Variants in N4BP1 observed in about 807,000 individuals in gnomAD.
N4BP1 encodes NEDD4-binding protein 1.
A neutral mutation model predicts 70.9 loss-of-function variants in N4BP1; 21 were observed. The observed-to-expected ratio is 0.30, with a 90% CI of 0.21 to 0.43. The LOEUF is 0.43. N4BP1 is among the 20% of genes least tolerant of loss of function. The probability of loss-of-function intolerance (pLI) is 1.00; values close to 1 mark genes in which losing one functional copy is unlikely to be tolerated. For synonymous variants in N4BP1, 387 were observed against 394.6 expected (o/e 0.98, Z 0.23); for missense variants, 936 against 1,069.4 (o/e 0.88, Z 1.74).
chr16:48,606,869 T>G (rs1964590553), intron 1 of N4BP1, among the ~76,000 whole-genome samples: 1 of 152,226 alleles, frequency 6.6e-6, no homozygotes, highest in Non-Finnish European at 1.5e-5. Context: ...CTCTAAATCT[T>G]CCTTCCTCTA....
rs750527042 is a variant in N4BP1 at position 48,560,734 on chromosome 16, T to C, written c.1889+20A>G. On this transcript the variant is annotated intron_variant, in intron 2 of 6. Transcript: ENST00000262384. ...TAGAGCCCTATTTAAAATAAAATAATCTGCAGAGAATGGACTTACGTAATT... is the reference window on the plus strand; with the variant it reads ...TAGAGCCCTATTTAAAATAAAATAACCTGCAGAGAATGGACTTACGTAATT... The C allele has an allele frequency of 4.5e-6, 7 of 1,568,478 alleles. No individual in the cohort carries two copies. The Admixed American group carries it at 1.4e-4, about 31-fold the overall frequency.
intron 1 of N4BP1, among the ~76,000 whole-genome samples, chr16:48,594,331 G>A (rs1964380281): frequency 6.6e-6 from 1 of 152,132 alleles, no homozygotes; most frequent in Admixed American, 6.5e-5. Context: ...GACTTATGGT[G>A]ACCTGGGATT....
intron 1 of N4BP1, among the ~76,000 whole-genome samples, chr16:48,568,485 G>C (rs1963972412): frequency 6.6e-6 from 1 of 152,200 alleles, no homozygotes; most frequent in South Asian, 2.1e-4. Context: ...ATTTATATCT[G>C]AAGAACTTTC....
At chr16:48,548,858 A>T (rs62059429) in intron 4 of N4BP1, among the ~76,000 whole-genome samples, 3 of 151,358 alleles carry the variant, frequency 2.0e-5, no homozygotes, top group African/African-American at 4.9e-5. Context: ...AAAAAAAAAA[A>T]TTCATAGGTT....
intron 1 of N4BP1, among the ~76,000 whole-genome samples, chr16:48,580,756 GA>G (rs575807951): frequency 1.3e-5 from 2 of 151,924 alleles, no homozygotes; most frequent in East Asian, 3.9e-4. Context: ...AAAATACTCA[GA>G]AAAAAAATTA....
chr16:48,548,683 C>CA (rs796581728), intron 4 of N4BP1, among the ~76,000 whole-genome samples: 5 of 151,530 alleles, frequency 3.3e-5, no homozygotes, highest in Admixed American at 6.6e-5. Context: ...CCCGTCTCTA[C>CA]AAAAAAATAC....
At position 48,561,633 on chromosome 16, in the gene N4BP1, T is replaced by A. The variant is rs1175832288; in HGVS notation, c.1010A>T (p.Asp337Val). 6 of 1,613,410 alleles carry A rather than the reference T, an allele frequency of 3.7e-6. No individual in the cohort carries two copies. The African/African-American group carries it at 8.0e-5, about 22-fold the overall frequency. The change falls in exon 2 of 7, where the codon GAT becomes GTT. Residue 337 changes from aspartate to valine, a missense_variant. Asp to Val is a radical substitution (Grantham distance 152, BLOSUM62 -3). This residue lies in a region of N4BP1 where 515 missense variants were observed against 491.7 expected (regional missense o/e 1.05). Coordinates refer to ENST00000262384, the MANE Select transcript of N4BP1 (RefSeq NM_153029.4). ...SSADSENLSP[D>V]IKETTEEMEY... ...CATTTCCTCAGTAGTTTCTTTTATA[T>A]CTGGACTTAAATTTTCAGAATCAGC...
rs1964478545 is a variant in N4BP1, at chr16:48,600,496, T to C, written c.198+9279A>G. 2.0e-5 allele frequency: 12 copies of C among 598,572 alleles called. No homozygotes were observed. In the Admixed American group the frequency reaches 2.0e-4, roughly 10 times the overall value. 37.1% of individuals were successfully genotyped at this position (598,572 alleles called of 1,614,324 possible). A position where few individuals can be genotyped will look rare whatever the true frequency, so the allele number is the denominator to read the frequency against. ...CAAGCTAAATTTATAATGAACAGAT[T>C]GAAGAAAAATAAGAGCTACAGAAAG... On this transcript the variant is annotated intron_variant, in intron 1 of 6. Coordinates refer to ENST00000262384, the MANE Select transcript of N4BP1 (RefSeq NM_153029.4).
intron 1 of N4BP1, among the ~76,000 whole-genome samples, chr16:48,605,582 C>G (rs1287566528): frequency 6.6e-6 from 1 of 152,170 alleles, no homozygotes; most frequent in African/African-American, 2.4e-5. Context: ...GGACAATGCC[C>G]TCTTATAAGG....
At chr16:48,591,667 T>C (rs1395734477) in intron 1 of N4BP1, among the ~76,000 whole-genome samples, 1 of 151,658 alleles carries the variant, frequency 6.6e-6, no homozygotes, top group African/African-American at 2.4e-5. Flanking sequence ...ATATTGGTTG[T>C]TTTTGTGAAA....
At chr16:48,552,099 G>A (rs1229067879) in intron 3 of N4BP1, among the ~76,000 whole-genome samples, 1 of 152,130 alleles carries the variant, frequency 6.6e-6, no homozygotes, top group East Asian at 1.9e-4. Flanking sequence ...GTAGGGGTGA[G>A]GCTAGGGCAG....
At chr16:48,579,947 A>G (rs2151095372) in intron 1 of N4BP1, among the ~76,000 whole-genome samples, 1 of 152,214 alleles carries the variant, frequency 6.6e-6, no homozygotes, top group South Asian at 2.1e-4. Context: ...ATATGTACAC[A>G]CTCAAATACA....
intron 6 of N4BP1, 142 bp from the exon 7 acceptor site, chr16:48,543,403 G>T: frequency 1.5e-6 from 1 of 651,348 alleles, no homozygotes; most frequent in Non-Finnish European, 2.4e-6. Flanking sequence ...AGACTGAGGT[G>T]GAGATGGTGC....
In N4BP1 at chr16:48,556,306, AG is replaced by A. The variant is rs1342556250; in HGVS notation, c.1890-2638del. 1.8e-4 allele frequency among the ~76,000 whole-genome samples: 28 copies of A among 152,342 alleles called. No individual in the cohort carries two copies. The East Asian group carries it at 5.2e-3, about 28-fold the overall frequency. Reference sequence around the variant, plus strand: ...CAAATTATTGTCCTCAAAATAATACAGAGGGTCGATTAAGGACCCTTCTTCC... The same window carrying A: ...CAAATTATTGTCCTCAAAATAATACAAGGGTCGATTAAGGACCCTTCTTCC... On this transcript the variant is annotated intron_variant, in intron 2 of 6. Coordinates refer to ENST00000262384, the MANE Select transcript of N4BP1 (RefSeq NM_153029.4).
intron 4 of N4BP1, among the ~76,000 whole-genome samples, chr16:48,549,760 A>C (rs1478914986): frequency 6.6e-6 from 1 of 152,216 alleles, no homozygotes; most frequent in African/African-American, 2.4e-5. Context: ...CTGTGGTCCC[A>C]AGCCCCCCAT....
intron 1 of N4BP1, among the ~76,000 whole-genome samples, chr16:48,571,762 A>G (rs1350856446): frequency 6.6e-6 from 1 of 152,218 alleles, no homozygotes; most frequent in African/African-American, 2.4e-5. Context: ...CCTTTCTAAA[A>G]GTACCATGAA....
chr16:48,583,019 G>A (rs932454541), intron 1 of N4BP1, among the ~76,000 whole-genome samples: 3 of 152,208 alleles, frequency 2.0e-5, no homozygotes, highest in African/African-American at 7.2e-5. Context: ...CCAGTAATTT[G>A]AGGCTGCAGT....
At chr16:48,597,296 A>G (rs1386040) in intron 1 of N4BP1, among the ~76,000 whole-genome samples, 61,875 of 152,040 alleles carry the variant, frequency 0.41, 13,610 homozygotes, top group African/African-American at 0.57. Flanking sequence ...TTCCTGAAAA[A>G]CCATTACTAA....
intron 1 of N4BP1, among the ~76,000 whole-genome samples, chr16:48,599,145 A>G (rs1161435094): frequency 6.6e-6 from 1 of 152,132 alleles, no homozygotes; most frequent in Admixed American, 6.5e-5. Flanking sequence ...ATACTGGTAT[A>G]ATAACTATAA....
Sources: allele counts gnomAD v4.1 joint callset (sites outside exome capture counted in the v4.1 genomes callset), GRCh38; gene constraint gnomAD v4.1.1; regional missense constraint gnomAD v4.1.1; transcripts MANE v1.5; gene names NCBI Gene and HGNC (gene_info 2026-07-23, HGNC 2026-07-21).